The following NLGN1 variants were observed in gnomAD, a reference collection of about 807,000 sequenced individuals.
NLGN1 encodes neuroligin 1, also known as neuroligin-1.
Under a neutral mutation model 65.5 loss-of-function variants are expected in NLGN1, and 12 were observed. That is an observed-to-expected ratio of 0.18 (90% CI 0.12 to 0.30). The LOEUF (loss-of-function observed/expected upper bound fraction) is 0.30, where lower values mean the gene tolerates loss of function less well. Among genes scored for constraint, NLGN1 ranks in the 10% least tolerant of loss-of-function variants. The pLI, the probability that NLGN1 is intolerant of heterozygous loss-of-function variation, is 1.00. For synonymous variants in NLGN1, 350 were observed against 359.5 expected, an observed-to-expected ratio of 0.97 and a Z score of 0.30; for missense variants, 750 against 1,007.1, an observed-to-expected ratio of 0.74 and a Z score of 3.46.
At chr3:174,000,549 GC>G (rs1723085030) in intron 4 of NLGN1, among the ~76,000 whole-genome samples, 1 of 152,082 alleles carries the variant, frequency 6.6e-6, no homozygotes, top group South Asian at 2.1e-4. Context: ...GTAACAGAGA[GC>G]CATAGTTAAT....
intron 4 of NLGN1, among the ~76,000 whole-genome samples, chr3:174,041,010 A>ATG (rs1405842141): frequency 3.9e-5 from 6 of 152,132 alleles, no homozygotes; most frequent in African/African-American, 1.4e-4. Flanking sequence ...ATACATATAT[A>ATG]TGTGTATGCA....
At chr3:173,577,021 TAA>T (rs1434450364) in intron 2 of NLGN1, among the ~76,000 whole-genome samples, 1 of 152,218 alleles carries the variant, frequency 6.6e-6, no homozygotes, top group African/African-American at 2.4e-5. Flanking sequence ...TGATCTTAGT[TAA>T]GTCATTTATC....
chr3:173,547,073 C>T (rs533769585), intron 2 of NLGN1, among the ~76,000 whole-genome samples: 9 of 152,222 alleles, frequency 5.9e-5, no homozygotes, highest in African/African-American at 2.2e-4. Context: ...TGGAGATACT[C>T]CACTTTGGCA....
chr3:174,107,229 A>G (rs1576909269), intron 4 of NLGN1, among the ~76,000 whole-genome samples: 1 of 152,070 alleles, frequency 6.6e-6, no homozygotes, highest in Non-Finnish European at 1.5e-5. Context: ...GAACACTACC[A>G]TCATCATAAG....
At chr3:173,832,180 T>C (rs1722729206) in intron 4 of NLGN1, among the ~76,000 whole-genome samples, 1 of 151,134 alleles carries the variant, frequency 6.6e-6, no homozygotes, top group Admixed American at 6.6e-5. Context: ...CCCAGTCTGG[T>C]CTTGAACTCC....
intron 3 of NLGN1, among the ~76,000 whole-genome samples, chr3:173,733,772 A>G (rs1448539781): frequency 6.6e-6 from 1 of 152,162 alleles, no homozygotes; most frequent in Non-Finnish European, 1.5e-5. Flanking sequence ...CCCAAAGGTA[A>G]TAAAATTATG....
chr3:173,790,904 A>T (rs1018401498), intron 3 of NLGN1, among the ~76,000 whole-genome samples: 1 of 152,184 alleles, frequency 6.6e-6, no homozygotes, highest in African/African-American at 2.4e-5. Flanking sequence ...CTAGCATATG[A>T]AAGAGCCCAA....
At chr3:174,159,782 T>G (rs955395800) in intron 4 of NLGN1, among the ~76,000 whole-genome samples, 2 of 151,754 alleles carry the variant, frequency 1.3e-5, no homozygotes, top group African/African-American at 4.8e-5. Context: ...ACCTTTGAAA[T>G]TCCAATGAGC....
intron 4 of NLGN1, among the ~76,000 whole-genome samples, chr3:174,204,683 C>T (rs1252815320): frequency 4.6e-5 from 7 of 152,136 alleles, no homozygotes; most frequent in South Asian, 2.1e-4. Context: ...GTGGTCTTTC[C>T]GTGACTAATG....
chr3:174,108,730 G>GT (rs1714534925), intron 4 of NLGN1, among the ~76,000 whole-genome samples: 1 of 152,100 alleles, frequency 6.6e-6, no homozygotes, highest in Non-Finnish European at 1.5e-5. Context: ...CTAAGACTGA[G>GT]TGATGCAGGT....
Position 173,642,864 on chromosome 3 carries a change from A to T in NLGN1, c.493+37773A>T, listed in dbSNP as rs569182759. The stretch of plus-strand genomic sequence containing the variant: ...CTTATGTATGACCCTTTATAAGTAA[A>T]ATACTAAGTCAACTGACACTGTACT... On this transcript the variant is annotated intron_variant, in intron 3 of 6. Coordinates refer to ENST00000457714, the Ensembl canonical transcript of NLGN1. Among the ~76,000 whole-genome samples, 4 of 152,342 alleles carry T rather than the reference A, an allele frequency of 2.6e-5. No individual in the cohort carries two copies. In the South Asian group the frequency reaches 8.3e-4, roughly 32 times the overall value.
chr3:174,145,741 A>G (rs2152695038), intron 4 of NLGN1, among the ~76,000 whole-genome samples: 1 of 152,358 alleles, frequency 6.6e-6, no homozygotes, highest in African/African-American at 2.4e-5. Flanking sequence ...CTTGATTAGT[A>G]AAATTATAAT....
intron 5 of NLGN1, among the ~76,000 whole-genome samples, chr3:174,278,578 T>G (rs1359785523): frequency 6.6e-6 from 1 of 151,866 alleles, no homozygotes; most frequent in Non-Finnish European, 1.5e-5. Context: ...ATTTGGGACT[T>G]TTTACCACTA....
At chr3:174,108,379 G>A (rs1393506260) in intron 4 of NLGN1, among the ~76,000 whole-genome samples, 2 of 152,004 alleles carry the variant, frequency 1.3e-5, no homozygotes, top group Non-Finnish European at 2.9e-5. Context: ...GCATTTTGGG[G>A]ACTATTTTTT....
intron 3 of NLGN1, among the ~76,000 whole-genome samples, chr3:173,716,346 A>G (rs577575146): frequency 6.6e-6 from 1 of 152,316 alleles, no homozygotes; most frequent in Non-Finnish European, 1.5e-5. Context: ...GTGTGTATAT[A>G]TACACATAAA....
chr3:173,775,421 C>G (rs1045611437), intron 3 of NLGN1, among the ~76,000 whole-genome samples: 1 of 151,682 alleles, frequency 6.6e-6, no homozygotes, highest in African/African-American at 2.4e-5. Flanking sequence ...AATTTGAACC[C>G]TTGACATGTT....
chr3:173,557,562 T>C (rs1181207060), intron 2 of NLGN1, among the ~76,000 whole-genome samples: 1 of 152,112 alleles, frequency 6.6e-6, no homozygotes, highest in African/African-American at 2.4e-5. Flanking sequence ...TATTTAAGCC[T>C]TCTGTTTTAT....
intron 4 of NLGN1, among the ~76,000 whole-genome samples, chr3:173,929,641 A>G (rs1409949138): frequency 6.7e-6 from 1 of 150,356 alleles, no homozygotes; most frequent in Non-Finnish European, 1.5e-5. Context: ...TGAGAGAAAC[A>G]AATCTCCTTA....
At chr3:173,908,085 A>T (rs2152210990) in intron 4 of NLGN1, among the ~76,000 whole-genome samples, 1 of 152,368 alleles carries the variant, frequency 6.6e-6, no homozygotes, top group East Asian at 1.9e-4. Context: ...GACAACTTTT[A>T]TAAAAATATT....
Sources: gnomAD v4.1 joint callset for allele counts (sites outside exome capture counted in the v4.1 genomes callset) on GRCh38, gnomAD v4.1.1 for gene constraint, MANE v1.5 for transcripts, NCBI Gene and HGNC (gene_info 2026-07-23, HGNC 2026-07-21) for gene names.